PAQR3: variants seen among roughly 807,000 people sequenced by gnomAD.
PAQR3 encodes Raf kinase trapping to Golgi.
PAQR3 carries 39 observed loss-of-function variants against 41.7 expected under a neutral mutation model. That is an observed-to-expected ratio of 0.93 (90% CI 0.72 to 1.22). The LOEUF (loss-of-function observed/expected upper bound fraction) is 1.22. PAQR3 is among the 50% of genes most tolerant of loss of function. PAQR3 has a pLI of 0.00. For missense variants in PAQR3, 366 were observed against 385.6 expected (o/e 0.95, Z 0.42); for synonymous variants, 140 against 140.6 (o/e 1.00, Z 0.03).
At chr4:78,900,085 A>G (rs1231881124) in intron 11 of PAQR3, among the ~76,000 whole-genome samples, 1 of 152,188 alleles carries the variant, frequency 6.6e-6, no homozygotes, top group Admixed American at 6.5e-5. Flanking sequence ...TTGTGTCTAA[A>G]TGCCTACAGC....
chr4:78,888,321 T>C (rs996717818), intron 11 of PAQR3, among the ~76,000 whole-genome samples: 10 of 152,240 alleles, frequency 6.6e-5, no homozygotes, highest in African/African-American at 2.4e-4. Flanking sequence ...TGTTTACTTA[T>C]TCTGCATAAA....
At chr4:78,924,719 T>G (rs977304683) in intron 4 of PAQR3, among the ~76,000 whole-genome samples, 73 of 151,940 alleles carry the variant, frequency 4.8e-4, no homozygotes, top group African/African-American at 1.7e-3. Flanking sequence ...ACAGTTGTTT[T>G]TTTTTTTTTT....
chr4:78,891,553 C>T (rs1399699577), intron 11 of PAQR3, among the ~76,000 whole-genome samples: 4 of 152,074 alleles, frequency 2.6e-5, no homozygotes, highest in Admixed American at 2.0e-4. Context: ...ATTTTGTTCT[C>T]CTCTGTTTTC....
chr4:78,905,311 T>C (rs1444064053), intron 11 of PAQR3, among the ~76,000 whole-genome samples: 1 of 151,928 alleles, frequency 6.6e-6, no homozygotes, highest in Non-Finnish European at 1.5e-5. Flanking sequence ...AATTTTTAGT[T>C]CGTAGTTCCA....
intron 11 of PAQR3, among the ~76,000 whole-genome samples, chr4:78,902,769 A>ATTC (rs1462385297): frequency 6.6e-6 from 1 of 152,140 alleles, no homozygotes; most frequent in Non-Finnish European, 1.5e-5. Flanking sequence ...GGGAAACCTG[A>ATTC]TTCTAGAAGA....
At chr4:78,922,220 C>G in intron 5 of PAQR3, 1 of 1,192,594 alleles carries the variant, frequency 8.4e-7, no homozygotes, top group Non-Finnish European at 1.1e-6. Context: ...GATCTGTTCC[C>G]AAATCCTCAT....
intron 2 of PAQR3, 71 bp downstream of exon 2, chr4:78,935,050 A>G: frequency 1.4e-6 from 2 of 1,466,588 alleles, no homozygotes; most frequent in Non-Finnish European, 1.9e-6. Context: ...GGTCTGAGGT[A>G]AGGTCACCTG....
intron 11 of PAQR3, among the ~76,000 whole-genome samples, chr4:78,903,343 T>C (rs985709358): frequency 6.6e-6 from 1 of 152,044 alleles, no homozygotes; most frequent in African/African-American, 2.4e-5. Context: ...AATGCATAAA[T>C]GTACATAATT....
downstream of PAQR3, chr4:78,910,845 G>T (rs546493520): frequency 1.2e-6 from 2 of 1,613,970 alleles, no homozygotes; most frequent in East Asian, 2.2e-5. Flanking sequence ...AAGTTCTTCA[G>T]GGGGAACAAG....
At chr4:78,930,770 A>G in intron 2 of PAQR3, 1 of 132,558 alleles carries the variant, frequency 7.5e-6, no homozygotes, top group Non-Finnish European at 1.6e-5. Flanking sequence ...CCTCTTACTC[A>G]ATCTATTCCC....
intron 1 of PAQR3, among the ~76,000 whole-genome samples, chr4:78,936,659 T>A (rs1406689171): frequency 6.6e-6 from 1 of 152,232 alleles, no homozygotes; most frequent in Non-Finnish European, 1.5e-5. Flanking sequence ...TAAAGACTAC[T>A]TATAACTGGA....
At chr4:78,910,159 C>T (rs191831821), downstream of PAQR3, among the ~76,000 whole-genome samples, 8 of 152,228 alleles carry the variant, frequency 5.3e-5, 1 homozygote, top group Admixed American at 2.6e-4. Flanking sequence ...GAAACAAATA[C>T]GTAACTGAGC....
chr4:78,923,061 T>C, intron 5 of PAQR3: 2 of 439,070 alleles, frequency 4.6e-6, no homozygotes, highest in Non-Finnish European at 9.1e-6. Flanking sequence ...CACTATTTTC[T>C]TCCTAGTGCT....
chr4:78,923,468 T>A (rs1371689627), intron 5 of PAQR3: 1 of 234,458 alleles, frequency 4.3e-6, no homozygotes, highest in African/African-American at 2.4e-5. Flanking sequence ...TGTCCTTTGC[T>A]TATTTCTTGC....
chr4:78,933,050 T>A, intron 2 of PAQR3: 2 of 405,194 alleles, frequency 4.9e-6, no homozygotes, highest in Middle Eastern at 3.6e-4. Flanking sequence ...TCCATTCTCC[T>A]AGGTTTCAAC....
Position 78,939,248 on chromosome 4 carries a change from C to A in PAQR3, c.-24G>T. 2 of 1,569,916 alleles carry A rather than the reference C, an allele frequency of 1.3e-6. No homozygotes were observed. Among genetic ancestry groups the A allele is most frequent in the Non-Finnish European group, 1.7e-6 (2 of 1,161,464 alleles). On this transcript the variant is annotated 5_prime_UTR_variant, in exon 1 of 6. Transcript: ENST00000512733. ...ATCGTTCCCGGCCGCCGCCGCTCCC[C>A]GGCTCGGGAGCTCCCCCAGGTCCCG...
downstream of PAQR3, chr4:78,911,244 A>C: frequency 2.5e-6 from 4 of 1,614,022 alleles, no homozygotes; most frequent in Non-Finnish European, 3.4e-6. Context: ...ATGTATTCAC[A>C]AAGGCGCCTT....
intron 11 of PAQR3, among the ~76,000 whole-genome samples, chr4:78,889,115 G>A (rs1733274669): frequency 6.6e-6 from 1 of 151,830 alleles, no homozygotes; most frequent in Non-Finnish European, 1.5e-5. Flanking sequence ...CAGCTACTCG[G>A]GAGGCTAAGG....
At chr4:78,905,049 A>AT (rs942286981) in intron 11 of PAQR3, among the ~76,000 whole-genome samples, 3 of 151,504 alleles carry the variant, frequency 2.0e-5, no homozygotes, top group African/African-American at 4.8e-5. Flanking sequence ...TCCTATTTTG[A>AT]TTTTTTTTCA....
Sources: gnomAD v4.1 joint callset for allele counts (sites outside exome capture counted in the v4.1 genomes callset) on GRCh38, gnomAD v4.1.1 for gene constraint, MANE v1.5 for transcripts, NCBI Gene and HGNC (gene_info 2026-07-23, HGNC 2026-07-21) for gene names.